The following PCYT1B variants were observed in gnomAD, a reference collection of about 807,000 sequenced individuals.
PCYT1B encodes the protein choline-phosphate cytidylyltransferase B.
A neutral mutation model predicts 26.4 loss-of-function variants in PCYT1B; 10 were observed. The ratio of observed to expected loss-of-function variants is 0.38; its 90% CI spans 0.23 to 0.64. The LOEUF (loss-of-function observed/expected upper bound fraction) is 0.64, where lower values mean the gene tolerates loss of function less well. Ranked by LOEUF, PCYT1B falls within the 30% of genes least tolerant of loss-of-function variation. The pLI is 0.56. For missense variants in PCYT1B, 161 were observed against 292.7 expected (o/e 0.55, Z 3.28); for synonymous variants, 131 against 108.4 (o/e 1.21, Z -1.29).
At chrX:24,606,519 T>G (rs1602175628) in intron 3 of PCYT1B, among the ~76,000 whole-genome samples, 1 of 112,505 alleles carries the variant, frequency 8.9e-6, no homozygotes, top group Non-Finnish European at 1.9e-5. Flanking sequence ...AATGGTCCTG[T>G]GGTCACCACC....
At chrX:24,574,006 CCAAA>C in intron 7 of PCYT1B, among the ~76,000 whole-genome samples, 1 of 111,257 alleles carries the variant, frequency 9.0e-6, no homozygotes, top group East Asian at 2.8e-4. Context: ...TCCCAACTTC[CCAAA>C]CATTGTTCTT....
rs1923287851 is a variant in PCYT1B at position 24,559,284 on chromosome X, T to C, written c.*3009A>G. The C allele has an allele frequency of 1.1e-5, 1 of 90,696 alleles. No homozygotes were observed. The highest frequency in any genetic ancestry group is 4.4e-5 in the African/African-American group (1 of 22,759). The allele number at this position is 90,696 out of a possible 1,213,427, so 7.5% of individuals were successfully genotyped here. The stretch of plus-strand genomic sequence containing the variant: ...GTGAGCCGAGATTGTGCCATTGCAC[T>C]CCAGCCTGAGCAACAAGAGCAAAAC... On this transcript the variant is annotated 3_prime_UTR_variant, in exon 8 of 8. Transcript: ENST00000379144.
chrX:24,612,571 C>T (rs188323955), intron 2 of PCYT1B, among the ~76,000 whole-genome samples: 30 of 111,925 alleles, frequency 2.7e-4, no homozygotes, highest in Non-Finnish European at 4.7e-4. Context: ...GAAATACAAA[C>T]GAAAACCACA....
At chrX:24,666,761 G>GCATAAAATT (rs1927137357) in intron 1 of PCYT1B, among the ~76,000 whole-genome samples, 1 of 111,267 alleles carries the variant, frequency 9.0e-6, no homozygotes, top group African/African-American at 3.3e-5. Flanking sequence ...CTCATTGTGA[G>GCATAAAATT]AATGGGGCAA....
intron 3 of PCYT1B, among the ~76,000 whole-genome samples, chrX:24,604,180 A>G (rs1451188283): frequency 2.7e-5 from 3 of 109,434 alleles, no homozygotes; most frequent in Admixed American, 9.8e-5. Context: ...TCCGCCTCCC[A>G]GGTTCAAGCA....
chrX:24,610,023 G>A (rs1925260079), intron 2 of PCYT1B, among the ~76,000 whole-genome samples: 1 of 111,059 alleles, frequency 9.0e-6, no homozygotes, highest in African/African-American at 3.3e-5. Flanking sequence ...AACTCAGGAG[G>A]CAGAGGCTGC....
intron 3 of PCYT1B, among the ~76,000 whole-genome samples, chrX:24,591,686 G>A (rs1602164404): frequency 9.0e-6 from 1 of 111,666 alleles, no homozygotes; most frequent in African/African-American, 3.3e-5. Context: ...GCCTCCCAAA[G>A]TGTTGGGATT....
At chrX:24,588,712 T>G (rs752591565) in intron 4 of PCYT1B, among the ~76,000 whole-genome samples, 2 of 111,577 alleles carry the variant, frequency 1.8e-5, no homozygotes, top group East Asian at 5.6e-4. Context: ...CATTGGCACA[T>G]GCTTAGCTTT....
At chrX:24,638,402 C>T (rs1926362936) in intron 1 of PCYT1B, among the ~76,000 whole-genome samples, 1 of 111,695 alleles carries the variant, frequency 9.0e-6, no homozygotes, top group East Asian at 2.8e-4. Context: ...GCTTCCCAGC[C>T]TCCCATACAA....
intron 1 of PCYT1B, among the ~76,000 whole-genome samples, chrX:24,660,171 T>C: frequency 9.0e-6 from 1 of 111,709 alleles, no homozygotes; most frequent in African/African-American, 3.3e-5. Context: ...GGAGAGATGA[T>C]GAGACACTTT....
intron 1 of PCYT1B, among the ~76,000 whole-genome samples, chrX:24,657,097 A>C (rs1231696865): frequency 8.9e-6 from 1 of 111,772 alleles, no homozygotes; most frequent in Non-Finnish European, 1.9e-5. Context: ...GATTGTTGCT[A>C]TTACTTGGTG....
In PCYT1B at chrX:24,603,086, G is replaced by C. The variant is rs777841491; in HGVS notation, c.334+4659C>G. The stretch of plus-strand genomic sequence containing the variant: ...CAAAAAGTGCTGGGATTACAGGCGT[G>C]AGCCACTGCACCCGGCCTGATATAT... On this transcript the variant is annotated intron_variant, in intron 3 of 7. Coordinates refer to ENST00000379144, the MANE Select transcript of PCYT1B (RefSeq NM_004845.5). 2.0e-4 allele frequency among the ~76,000 whole-genome samples: 23 copies of C among 112,579 alleles called. No homozygotes were observed. The South Asian group carries it at 8.5e-3, about 41-fold the overall frequency.
chrX:24,638,603 T>C (rs1429262167), intron 1 of PCYT1B, among the ~76,000 whole-genome samples: 1 of 111,858 alleles, frequency 8.9e-6, no homozygotes, highest in Non-Finnish European at 1.9e-5. Flanking sequence ...TCCTTTTCAT[T>C]CTTCCCCCCA....
intron 1 of PCYT1B, among the ~76,000 whole-genome samples, chrX:24,654,180 C>T (rs76210578): frequency 2.1e-5 from 2 of 95,950 alleles, no homozygotes; most frequent in Non-Finnish European, 4.1e-5. Context: ...TCTCGGCTCA[C>T]TGCAACCTCT....
intron 5 of PCYT1B, 50 bp downstream of exon 5, chrX:24,587,191 A>G (rs755940545): frequency 7.0e-6 from 6 of 859,049 alleles, no homozygotes; most frequent in Non-Finnish European, 1.0e-5. Context: ...CTCTTATTGC[A>G]CCTGATTATT....
rs189255551 is a variant in PCYT1B, at chrX:24,665,616, C to T, written c.63+6954G>A. Among the ~76,000 whole-genome samples, 15 of 111,302 alleles carry T rather than the reference C, an allele frequency of 1.3e-4. No individual in the cohort carries two copies. The East Asian group carries it at 3.7e-3, about 27-fold the overall frequency. ...CCATTTTATTTTTCAATTAACTGACCAACTGGTCCCCACTGTAGAGGGTAA... is the reference window on the plus strand; with the variant it reads ...CCATTTTATTTTTCAATTAACTGACTAACTGGTCCCCACTGTAGAGGGTAA... On this transcript the variant is annotated intron_variant, in intron 1 of 7. Transcript: ENST00000379145.
At chrX:24,653,001 C>T (rs1926816972) in intron 1 of PCYT1B, among the ~76,000 whole-genome samples, 2 of 111,338 alleles carry the variant, frequency 1.8e-5, no homozygotes, top group African/African-American at 6.5e-5. Flanking sequence ...AGTAGAATCG[C>T]TTGAACCCAG....
At chrX:24,576,190 T>A (rs1924005486) in intron 6 of PCYT1B, among the ~76,000 whole-genome samples, 1 of 112,729 alleles carries the variant, frequency 8.9e-6, no homozygotes, top group African/African-American at 3.2e-5. Context: ...AGAGCAGTAT[T>A]AAAACCATGA....
chrX:24,651,102 C>A (rs1305045937), upstream of PCYT1B, among the ~76,000 whole-genome samples: 2 of 110,905 alleles, frequency 1.8e-5, no homozygotes, highest in Non-Finnish European at 3.8e-5. Flanking sequence ...AAAGTGAAAT[C>A]TTTAAACTGT....
Sources: gnomAD v4.1 joint callset for allele counts (sites outside exome capture counted in the v4.1 genomes callset) on GRCh38, gnomAD v4.1.1 for gene constraint, MANE v1.5 for transcripts, NCBI Gene and HGNC (gene_info 2026-07-23, HGNC 2026-07-21) for gene names.